The following ST18 variants were observed in gnomAD, a reference collection of about 807,000 sequenced individuals.
ST18 encodes the protein suppression of tumorigenicity 18 protein.
Under a neutral mutation model 110.0 loss-of-function variants are expected in ST18, and 50 were observed. That is an observed-to-expected ratio of 0.45 (90% CI 0.36 to 0.58). ST18 has a LOEUF of 0.58. ST18 is among the 20% of genes least tolerant of loss of function. The pLI is 0.00. For synonymous variants in ST18, 461 were observed against 452.4 expected (o/e 1.02, Z -0.24); for missense variants, 1,306 against 1,280.1 (o/e 1.02, Z -0.31).
At chr8:52,158,870 C>T in intron 15 of ST18, 28 bp downstream of exon 15, 1 of 1,613,206 alleles carries the variant, frequency 6.2e-7, no homozygotes, top group Non-Finnish European at 8.5e-7. Flanking sequence ...GTCGCTGGCC[C>T]ACCCTCCGGG....
chr8:52,149,820 G>A lies in ST18; in HGVS notation c.1964C>T (p.Ala655Val). 1 of 1,614,182 alleles carries A rather than the reference G, an allele frequency of 6.2e-7. No individual in the cohort carries two copies. The highest frequency in any genetic ancestry group is 8.5e-7 in the Non-Finnish European group (1 of 1,180,024). ...FKTSSILVNAAFYQALCDQEG... is the reference protein window; with the variant it reads ...FKTSSILVNAVFYQALCDQEG... ...TTGGTCACAAAGAGCCTGATAGAAT[G>A]CTGCATTGACCAGAATGCTGCTTGT... Residue 655 changes from alanine (A) to valine (V), a missense_variant, in exon 16 of 26, where the codon GCA becomes GTA. By Grantham distance (64) the Ala-to-Val change is moderately conservative. Transcript: ENST00000689386.
At chr8:52,213,488 G>A (rs2082977479) in intron 7 of ST18, among the ~76,000 whole-genome samples, 1 of 152,144 alleles carries the variant, frequency 6.6e-6, no homozygotes, top group Non-Finnish European at 1.5e-5. Flanking sequence ...CAGCTATCCA[G>A]AGTGTTTTCA....
Position 52,159,062 on chromosome 8 carries a change from C to T in ST18, c.1642G>A (p.Ala548Thr). The T allele has an allele frequency of 6.2e-7, 1 of 1,614,128 alleles. No homozygotes were observed. The highest frequency in any genetic ancestry group is 1.1e-5 in the South Asian group (1 of 91,068). ...PVKFPNRLPS[A>T]GAHTQSPGRA... ...CCAGGGCTCTGGGTGTGGGCGCCTG[C>T]ACTAGGCAGTCGATTAGGAAATTTC... Residue 548 changes from alanine to threonine, a missense_variant, in exon 15 of 26, where the codon GCA (alanine) becomes ACA (threonine). Coordinates refer to ENST00000689386, the MANE Select transcript of ST18 (RefSeq NM_001352837.2).
intron 2 of ST18, among the ~76,000 whole-genome samples, chr8:52,247,821 AT>A (rs2093976295): frequency 6.6e-6 from 1 of 152,114 alleles, no homozygotes; most frequent in Non-Finnish European, 1.5e-5. Flanking sequence ...TATTAGAAAA[AT>A]CTCAACTTAG....
intron 2 of ST18, among the ~76,000 whole-genome samples, chr8:52,355,109 G>T (rs1238838564): frequency 6.6e-6 from 1 of 152,088 alleles, no homozygotes; most frequent in Non-Finnish European, 1.5e-5. Context: ...CACTGTGAGG[G>T]TTCCTGCAGA....
At chr8:52,255,490 A>G (rs2138510521) in intron 2 of ST18, among the ~76,000 whole-genome samples, 1 of 152,276 alleles carries the variant, frequency 6.6e-6, no homozygotes, top group Non-Finnish European at 1.5e-5. Flanking sequence ...TTGAGTGAAA[A>G]ACCTTGTCTC....
intron 2 of ST18, among the ~76,000 whole-genome samples, chr8:52,331,891 G>T (rs1809601245): frequency 6.6e-6 from 1 of 152,100 alleles, no homozygotes; most frequent in Admixed American, 6.6e-5. Flanking sequence ...TGGGGTTTTG[G>T]AGGAGAGAAT....
chr8:52,384,210 C>T (rs1193601382), intron 2 of ST18, among the ~76,000 whole-genome samples: 1 of 152,112 alleles, frequency 6.6e-6, no homozygotes, highest in African/African-American at 2.4e-5. Flanking sequence ...ATTACTGTCC[C>T]ATCATGGTAA....
At chr8:52,379,357 CA>C (rs112932952) in intron 2 of ST18, among the ~76,000 whole-genome samples, 7,710 of 152,034 alleles carry the variant, frequency 0.051, 671 homozygotes, top group African/African-American at 0.18. Context: ...CTTGGCCTCC[CA>C]AAATGCTAGG....
intron 2 of ST18, among the ~76,000 whole-genome samples, chr8:52,259,316 G>A (rs962641119): frequency 6.6e-6 from 1 of 152,178 alleles, no homozygotes; most frequent in Non-Finnish European, 1.5e-5. Context: ...AGATTCAGGT[G>A]TAGGCAGCAC....
intron 2 of ST18, 149 bp downstream of exon 2, chr8:52,409,179 T>C (rs1845556651): frequency 6.6e-6 from 1 of 152,238 alleles, no homozygotes; most frequent in Non-Finnish European, 1.5e-5. Context: ...AGGGCTGCCA[T>C]GCCCATGCCC....
intron 2 of ST18, among the ~76,000 whole-genome samples, chr8:52,391,404 G>A (rs1839283278): frequency 1.3e-5 from 2 of 152,180 alleles, no homozygotes; most frequent in Non-Finnish European, 2.9e-5. Context: ...ACTACAAGTG[G>A]GCTGATGGAG....
chr8:52,292,344 A>G (rs1293352021), intron 2 of ST18, among the ~76,000 whole-genome samples: 1 of 152,168 alleles, frequency 6.6e-6, no homozygotes, highest in Non-Finnish European at 1.5e-5. Flanking sequence ...GACAGTGGGA[A>G]GACAAACAGA....
intron 2 of ST18, among the ~76,000 whole-genome samples, chr8:52,317,921 T>C (rs924760218): frequency 6.6e-6 from 1 of 152,180 alleles, no homozygotes; most frequent in Non-Finnish European, 1.5e-5. Flanking sequence ...ACATTAATTA[T>C]TGGTAATAGA....
At chr8:52,343,485 G>A (rs1292151682) in intron 2 of ST18, among the ~76,000 whole-genome samples, 2 of 152,132 alleles carry the variant, frequency 1.3e-5, no homozygotes, top group East Asian at 1.9e-4. Context: ...AAGAACAAAC[G>A]GTGGGGACCG....
intron 2 of ST18, among the ~76,000 whole-genome samples, chr8:52,348,431 A>T (rs1004573102): frequency 7.9e-5 from 12 of 152,280 alleles, no homozygotes; most frequent in East Asian, 3.9e-4. Context: ...TCTATTTTTT[A>T]AAAAAATGTT....
chr8:52,307,601 A>T (rs2095836071), intron 2 of ST18, among the ~76,000 whole-genome samples: 1 of 152,228 alleles, frequency 6.6e-6, no homozygotes, highest in Non-Finnish European at 1.5e-5. Context: ...GTGAAAATTT[A>T]GAAAAAGTAA....
At chr8:52,372,306 A>G (rs1354401485) in intron 2 of ST18, among the ~76,000 whole-genome samples, 1 of 152,234 alleles carries the variant, frequency 6.6e-6, no homozygotes, top group Non-Finnish European at 1.5e-5. Context: ...TCAGCTGTGC[A>G]ATGTGTGTTT....
At chr8:52,171,133 T>A (rs2064810301) in intron 10 of ST18, among the ~76,000 whole-genome samples, 2 of 152,160 alleles carry the variant, frequency 1.3e-5, no homozygotes, top group Admixed American at 1.3e-4. Context: ...GGAAGCTCCA[T>A]AAAACTGCTA....
Sources: gnomAD v4.1 joint callset for allele counts (sites outside exome capture counted in the v4.1 genomes callset) on GRCh38, gnomAD v4.1.1 for gene constraint, MANE v1.5 for transcripts, NCBI Gene and HGNC (gene_info 2026-07-23, HGNC 2026-07-21) for gene names.